Variants in GPHN observed in about 807,000 individuals in gnomAD.
GPHN encodes gephyrin.
A neutral mutation model predicts 95.5 loss-of-function variants in GPHN; 17 were observed. That is an observed-to-expected ratio of 0.18 (90% confidence interval 0.12 to 0.27). The LOEUF is 0.27. GPHN is among the 10% of genes least tolerant of loss of function. The pLI is 1.00. For missense variants in GPHN, 660 were observed against 978.1 expected (o/e 0.67, Z 4.34); for synonymous variants, 320 against 322.5 (o/e 0.99, Z 0.08).
intron 8 of GPHN, among the ~76,000 whole-genome samples, chr14:66,932,159 C>T (rs540756619): frequency 6.6e-6 from 1 of 152,288 alleles, no homozygotes; most frequent in East Asian, 1.9e-4. Context: ...AAATAAGATC[C>T]AGGAGAATTC....
chr14:66,930,925 T>C (rs1228656149), intron 8 of GPHN, among the ~76,000 whole-genome samples: 1 of 152,218 alleles, frequency 6.6e-6, no homozygotes, highest in African/African-American at 2.4e-5. Flanking sequence ...TGTTTGTCTG[T>C]GTATTTATTG....
the GPHN span, among the ~76,000 whole-genome samples, chr14:67,546,522 C>T: frequency 6.6e-6 from 1 of 152,136 alleles, no homozygotes; most frequent in South Asian, 2.1e-4. Context: ...TCCCGAGTAG[C>T]TGGGATTACA....
intron 2 of GPHN, among the ~76,000 whole-genome samples, chr14:66,733,007 C>T (rs1276350720): frequency 2.0e-5 from 3 of 152,140 alleles, no homozygotes; most frequent in African/African-American, 4.8e-5. Context: ...TACAGTTCGG[C>T]TCTGGGTCCC....
chr14:67,409,450 A>C, the GPHN span, among the ~76,000 whole-genome samples: 2 of 152,240 alleles, frequency 1.3e-5, no homozygotes, highest in African/African-American at 4.8e-5. Context: ...AAAAGGATAG[A>C]GCCCTGCACA....
chr14:67,329,570 A>G, the GPHN span, among the ~76,000 whole-genome samples: 1 of 152,162 alleles, frequency 6.6e-6, no homozygotes, highest in Non-Finnish European at 1.5e-5. Flanking sequence ...TTCAAAGGGA[A>G]TGCTTCCAGT....
the GPHN span, among the ~76,000 whole-genome samples, chr14:67,541,430 C>T: frequency 8.3e-4 from 127 of 152,322 alleles, no homozygotes; most frequent in African/African-American, 2.9e-3. Flanking sequence ...AACACAAAGA[C>T]AAGGAATTTC....
the GPHN span, among the ~76,000 whole-genome samples, chr14:67,612,374 G>A: frequency 1.3e-5 from 2 of 152,214 alleles, no homozygotes; most frequent in South Asian, 2.1e-4. Context: ...TACTATGCAT[G>A]TTCAGAAAAT....
the GPHN span, among the ~76,000 whole-genome samples, chr14:67,626,765 C>T: frequency 1.3e-5 from 2 of 152,136 alleles, no homozygotes; most frequent in African/African-American, 4.8e-5. Flanking sequence ...TGGCCACACA[C>T]AAACTTATAT....
At chr14:67,562,028 G>T in the GPHN span, 3 of 1,612,986 alleles carry the variant, frequency 1.9e-6, no homozygotes, top group Non-Finnish European at 2.5e-6. Context: ...TTCAAGATGC[G>T]CTAGAAGGTA....
chr14:66,921,174 A>G (rs753720001), intron 6 of GPHN, among the ~76,000 whole-genome samples: 16 of 152,192 alleles, frequency 1.1e-4, no homozygotes, highest in Non-Finnish European at 2.1e-4. Context: ...GAATCTCCAC[A>G]GTTTTCCTTA....
intron 13 of GPHN, among the ~76,000 whole-genome samples, chr14:67,101,466 G>A (rs2077693028): frequency 6.6e-6 from 1 of 151,340 alleles, no homozygotes; most frequent in Non-Finnish European, 1.5e-5. Context: ...AGTTAAAGTG[G>A]GAAATTATTT....
chr14:67,698,683 G>A, the GPHN span, among the ~76,000 whole-genome samples: 1 of 152,132 alleles, frequency 6.6e-6, no homozygotes, highest in Non-Finnish European at 1.5e-5. Flanking sequence ...GATAGTATAG[G>A]AGCTGTTATA....
At chr14:66,815,994 G>T (rs2060949523) in intron 3 of GPHN, among the ~76,000 whole-genome samples, 1 of 152,076 alleles carries the variant, frequency 6.6e-6, no homozygotes, top group Non-Finnish European at 1.5e-5. Flanking sequence ...AACAGAAAAT[G>T]CCAAGGGTTG....
chr14:66,845,728 A>G (rs1379391546), intron 4 of GPHN, among the ~76,000 whole-genome samples: 1 of 151,898 alleles, frequency 6.6e-6, no homozygotes, highest in Non-Finnish European at 1.5e-5. Flanking sequence ...ACTCATAGAC[A>G]TTTTTCTAAA....
At chr14:67,314,475 G>A in the GPHN span, among the ~76,000 whole-genome samples, 1 of 152,140 alleles carries the variant, frequency 6.6e-6, no homozygotes, top group African/African-American at 2.4e-5. Context: ...AGGAGGAATG[G>A]ACTTCTTACA....
chr14:67,580,046 G>A, the GPHN span: 1 of 619,676 alleles, frequency 1.6e-6, no homozygotes, highest in Non-Finnish European at 2.8e-6. Flanking sequence ...ACCTGGGCAG[G>A]GAGAAAAAAG....
At chr14:66,715,905 A>G (rs749122731) in intron 2 of GPHN, among the ~76,000 whole-genome samples, 38 of 152,086 alleles carry the variant, frequency 2.5e-4, no homozygotes, top group Non-Finnish European at 5.6e-4. Context: ...GGCATATCAT[A>G]TGGTCTATCT....
At chr14:66,575,823 G>C (rs1364166180) in intron 1 of GPHN, among the ~76,000 whole-genome samples, 1 of 152,040 alleles carries the variant, frequency 6.6e-6, no homozygotes, top group Non-Finnish European at 1.5e-5. Flanking sequence ...TGGTGTCTGG[G>C]TGTCTGGGAT....
At chr14:67,646,238 A>G in the GPHN span, among the ~76,000 whole-genome samples, 1 of 152,214 alleles carries the variant, frequency 6.6e-6, no homozygotes, top group Non-Finnish European at 1.5e-5. Context: ...AGGACACTAC[A>G]AAGATTATTC....
Sources: allele counts gnomAD v4.1 joint callset (sites outside exome capture counted in the v4.1 genomes callset), GRCh38; gene constraint gnomAD v4.1.1; transcripts MANE v1.5; gene names NCBI Gene and HGNC (gene_info 2026-07-23, HGNC 2026-07-21).